CFAP47: variants seen among roughly 807,000 people sequenced by gnomAD.
CFAP47 encodes the protein cilia- and flagella-associated protein 47.
CFAP47 carries 29 observed loss-of-function variants against 148.1 expected under a neutral mutation model. That is an observed-to-expected ratio of 0.20 (90% CI 0.15 to 0.27). The LOEUF is 0.27. Among genes scored for constraint, CFAP47 ranks in the 10% least tolerant of loss-of-function variants. The probability of loss-of-function intolerance (pLI) is 1.00; values close to 1 mark genes in which losing one functional copy is unlikely to be tolerated. For synonymous variants in CFAP47, 664 were observed against 577.3 expected (o/e 1.15, Z -2.15); for missense variants, 1,872 against 1,697.5 (o/e 1.10, Z -1.81).
intron 10 of CFAP47, 28 bp from the exon 11 acceptor site, chrX:35,970,740 A>T (rs1936476688): frequency 3.6e-6 from 4 of 1,111,161 alleles, no homozygotes; most frequent in East Asian, 3.1e-5. Context: ...ATATATAAAA[A>T]TATTAACATG....
intron 2 of CFAP47, among the ~76,000 whole-genome samples, chrX:35,926,916 G>A (rs779838611): frequency 8.2e-5 from 9 of 110,119 alleles, no homozygotes; most frequent in Non-Finnish European, 1.5e-4. Context: ...AGGCCAAGGC[G>A]GGTGGATCAC....
At chrX:36,333,144 C>T (rs1941578047) in intron 57 of CFAP47, among the ~76,000 whole-genome samples, 1 of 111,146 alleles carries the variant, frequency 9.0e-6, no homozygotes, top group African/African-American at 3.3e-5. Flanking sequence ...TATCTGTCAC[C>T]ATGTGAATAC....
intron 54 of CFAP47, among the ~76,000 whole-genome samples, chrX:36,306,056 G>A (rs2146960841): frequency 8.9e-6 from 1 of 111,839 alleles, no homozygotes; most frequent in East Asian, 2.8e-4. Context: ...AGTTTTTCTG[G>A]CAAAATATAT....
At chrX:36,187,234 A>G (rs782084505) in intron 40 of CFAP47, among the ~76,000 whole-genome samples, 2 of 112,388 alleles carry the variant, frequency 1.8e-5, no homozygotes, top group Non-Finnish European at 3.8e-5. Flanking sequence ...TAGCTTAAAC[A>G]GTCAATGAAT....
At chrX:36,074,388 G>A (rs926117111) in intron 29 of CFAP47, among the ~76,000 whole-genome samples, 2 of 111,461 alleles carry the variant, frequency 1.8e-5, no homozygotes, top group South Asian at 3.7e-4. Context: ...GATAAGGCCC[G>A]GTTCATTTGT....
At chrX:35,981,445 AAAGT>A (rs1158791222) in intron 15 of CFAP47, among the ~76,000 whole-genome samples, 1 of 109,050 alleles carries the variant, frequency 9.2e-6, no homozygotes, top group Non-Finnish European at 1.9e-5. Context: ...AAACAGGATA[AAAGT>A]AAGAGGATAA....
chrX:35,966,211 C>T (rs191363005), intron 8 of CFAP47, among the ~76,000 whole-genome samples: 43 of 108,650 alleles, frequency 4.0e-4, no homozygotes, highest in Middle Eastern at 0.012. Flanking sequence ...GAAATATTAG[C>T]TGCTAATATT....
At chrX:36,230,792 G>A (rs1375066422) in intron 46 of CFAP47, among the ~76,000 whole-genome samples, 3 of 106,390 alleles carry the variant, frequency 2.8e-5, no homozygotes, top group African/African-American at 1.1e-4. Context: ...TTTGTATAAG[G>A]TGTAAGGAAG....
intron 60 of CFAP47, among the ~76,000 whole-genome samples, chrX:36,357,981 G>A (rs182513523): frequency 2.7e-5 from 3 of 111,337 alleles, no homozygotes; most frequent in East Asian, 5.7e-4. Context: ...TTCCTGTGTC[G>A]TATTTGCCTG....
At position 36,138,454 on chromosome X, in the gene CFAP47, T is replaced by C. The variant is rs770101788; in HGVS notation, c.5525T>C (p.Val1842Ala). ...ACTCTTTATGAAATTGACTTTGACG[T>C]GGAAATACAGGTGGGTGCCTTTATA... ...VNTLYEIDFD[V>A]EIQATDICDP... The change falls in exon 35 of 64, where the codon GTG (valine) becomes GCG (alanine). Residue 1842 changes from valine to alanine, a missense_variant. By Grantham distance (64) the Val-to-Ala change is moderately conservative (BLOSUM62 0). Transcript: ENST00000378653. 30 of 1,152,272 alleles carry C rather than the reference T, an allele frequency of 2.6e-5. No individual in the cohort carries two copies. The highest frequency in any genetic ancestry group is 2.8e-5 in the Non-Finnish European group (24 of 872,561). The allele number at this position is 1,152,272 out of a possible 1,213,427, so 95.0% of individuals were successfully genotyped here. A position where few individuals can be genotyped will look rare whatever the true frequency, so the allele number is the denominator to read the frequency against.
chrX:36,095,750 T>C (rs1265490166), intron 30 of CFAP47, among the ~76,000 whole-genome samples: 1 of 111,905 alleles, frequency 8.9e-6, no homozygotes, highest in Admixed American at 9.5e-5. Context: ...ATTTATTGTA[T>C]CTTCTTTCTT....
At chrX:35,965,078 A>G (rs1050387800) in intron 8 of CFAP47, among the ~76,000 whole-genome samples, 8 of 111,416 alleles carry the variant, frequency 7.2e-5, no homozygotes, top group Non-Finnish European at 1.1e-4. Flanking sequence ...TGTACATAAT[A>G]TAACTTGGCA....
At chrX:36,299,199 T>A in intron 52 of CFAP47, 47 bp downstream of exon 52, 2 of 792,907 alleles carry the variant, frequency 2.5e-6, no homozygotes, top group Non-Finnish European at 3.3e-6. Flanking sequence ...TCCTTAGAAA[T>A]TAACCTTTAA....
intron 45 of CFAP47, among the ~76,000 whole-genome samples, chrX:36,223,985 G>C (rs1302399447): frequency 9.0e-6 from 1 of 110,777 alleles, no homozygotes; most frequent in African/African-American, 3.3e-5. Flanking sequence ...GTACCTCCCT[G>C]TATCTAAAAT....
rs1940460265 is a variant in CFAP47 at position 36,236,046 on chromosome X, C to A, written c.7127C>A (p.Thr2376Lys). 2.0e-6 allele frequency: 1 copy of A among 507,225 alleles called. No homozygotes were observed. The highest frequency in any genetic ancestry group is 2.8e-5 in the South Asian group (1 of 35,108). 41.8% of individuals were successfully genotyped at this position (507,225 alleles called of 1,213,427 possible). A position where few individuals can be genotyped will look rare whatever the true frequency, so the allele number is the denominator to read the frequency against. Residue 2376 changes from threonine (T) to lysine (K), a missense_variant, in exon 47 of 64, where the codon ACA becomes AAA. Physicochemically the swap from Thr to Lys is moderately conservative, Grantham distance 78. Coordinates refer to ENST00000378653, the MANE Select transcript of CFAP47 (RefSeq NM_001304548.2). ...GATGAAATTGTGGAGTATCCTCTCA[C>A]ATTCAAACCTATTTTTGAATGTGTC... ...GPDEIVEYPL[T>K]FKPIFECVIT...
chrX:35,966,649 G>A lies in CFAP47; in HGVS notation c.1495G>A (p.Glu499Lys). 1 of 1,179,847 alleles carries A rather than the reference G, an allele frequency of 8.5e-7. No homozygotes were observed. Among genetic ancestry groups the A allele is most frequent in the Non-Finnish European group, 1.1e-6 (1 of 876,150 alleles). The change falls in exon 9 of 64, where the codon GAA becomes AAA. Residue 499 changes from glutamate to lysine, a missense_variant. Glu to Lys is a moderately conservative substitution (Grantham distance 56, BLOSUM62 1). Coordinates refer to ENST00000378653, the MANE Select transcript of CFAP47 (RefSeq NM_001304548.2). Reference protein sequence around the residue: ...MIEIIGLVAEEDLQSLSVKSF... With the variant: ...MIEIIGLVAEKDLQSLSVKSF... ...AGAGATTATTGGTTTAGTGGCAGAA[G>A]AAGATTTGCAATCTTTGTCGGTAAA...
chrX:36,256,209 T>C (rs782511382), intron 49 of CFAP47, among the ~76,000 whole-genome samples: 458 of 112,161 alleles, frequency 4.1e-3, no homozygotes, highest in Non-Finnish European at 6.9e-3. Flanking sequence ...AAATTTTCAT[T>C]TATCTTAGCT....
At chrX:36,164,251 A>G (rs190673957) in intron 39 of CFAP47, among the ~76,000 whole-genome samples, 15 of 111,467 alleles carry the variant, frequency 1.3e-4, no homozygotes, top group African/African-American at 4.5e-4. Context: ...AAATTTTTCT[A>G]TTCATAATTA....
At chrX:36,375,858 A>G (rs1011924320) in intron 62 of CFAP47, among the ~76,000 whole-genome samples, 1 of 111,629 alleles carries the variant, frequency 9.0e-6, no homozygotes, top group Admixed American at 9.6e-5. Context: ...AGAGATTAAT[A>G]TTGCTTTGGC....
Sources: allele counts gnomAD v4.1 joint callset (sites outside exome capture counted in the v4.1 genomes callset), GRCh38; gene constraint gnomAD v4.1.1; transcripts MANE v1.5; gene names NCBI Gene and HGNC (gene_info 2026-07-23, HGNC 2026-07-21).